NTM: variants seen among roughly 807,000 people sequenced by gnomAD.
NTM encodes IgLON family member 2.
In NTM, 13 loss-of-function variants were observed where a neutral mutation model predicts 42.1. The observed-to-expected ratio is 0.31, with a 90% confidence interval of 0.20 to 0.49. The LOEUF (loss-of-function observed/expected upper bound fraction) is 0.49, where lower values mean the gene tolerates loss of function less well. Among genes scored for constraint, NTM ranks in the 20% least tolerant of loss-of-function variants. The pLI is 0.99. For synonymous variants in NTM, 187 were observed against 179.2 expected, an observed-to-expected ratio of 1.04 and a Z score of -0.35; for missense variants, 373 against 452.8, an observed-to-expected ratio of 0.82 and a Z score of 1.60.
chr11:131,563,974 C>G (rs1357749003), intron 1 of NTM, among the ~76,000 whole-genome samples: 1 of 152,168 alleles, frequency 6.6e-6, no homozygotes, highest in Non-Finnish European at 1.5e-5. Flanking sequence ...ACTCTGCTCC[C>G]CAGACCTTGT....
intron 1 of NTM, among the ~76,000 whole-genome samples, chr11:131,880,122 A>G (rs1440928404): frequency 6.6e-6 from 1 of 152,226 alleles, no homozygotes. Flanking sequence ...GCACACAGCC[A>G]TCTTGGCAAA....
At chr11:131,409,529 T>C (rs1035522617) in intron 1 of NTM, among the ~76,000 whole-genome samples, 3 of 152,198 alleles carry the variant, frequency 2.0e-5, no homozygotes, top group Admixed American at 6.5e-5. Context: ...AAACAAAACC[T>C]GGCCCTTTCA....
chr11:132,118,987 C>T (rs2064309105), intron 2 of NTM, among the ~76,000 whole-genome samples: 1 of 151,982 alleles, frequency 6.6e-6, no homozygotes, highest in Non-Finnish European at 1.5e-5. Context: ...AAGCGCCTCT[C>T]CCCCCAGCCT....
intron 1 of NTM, among the ~76,000 whole-genome samples, chr11:131,410,583 T>G (rs1946297086): frequency 6.6e-6 from 1 of 150,806 alleles, no homozygotes; most frequent in Non-Finnish European, 1.5e-5. Context: ...GGGCCATGTC[T>G]GTTGGATCTC....
chr11:132,009,992 C>T (rs2071735507), intron 2 of NTM, among the ~76,000 whole-genome samples: 3 of 152,134 alleles, frequency 2.0e-5, no homozygotes, highest in Non-Finnish European at 2.9e-5. Flanking sequence ...TGACCGAATA[C>T]ACGTTATATC....
intron 1 of NTM, among the ~76,000 whole-genome samples, chr11:131,476,577 T>G (rs1278483239): frequency 6.6e-6 from 1 of 152,140 alleles, no homozygotes; most frequent in Non-Finnish European, 1.5e-5. Context: ...GCTTATAACC[T>G]GTGATGAGAG....
chr11:131,823,106 C>T (rs144479733), intron 1 of NTM, among the ~76,000 whole-genome samples: 34 of 152,182 alleles, frequency 2.2e-4, no homozygotes, highest in Middle Eastern at 3.4e-3. Context: ...AGCACGTCTA[C>T]GTTAGTGTTA....
chr11:131,852,204 C>T (rs1444584816), intron 1 of NTM, among the ~76,000 whole-genome samples: 1 of 152,138 alleles, frequency 6.6e-6, no homozygotes, highest in East Asian at 1.9e-4. Context: ...TTGAAGCCTC[C>T]AGCCTTGGGA....
intron 1 of NTM, among the ~76,000 whole-genome samples, chr11:131,584,310 G>C (rs976896471): frequency 6.6e-6 from 1 of 152,160 alleles, no homozygotes; most frequent in African/African-American, 2.4e-5. Context: ...TACTAACCCA[G>C]CCAGCATTTT....
chr11:131,411,098 C>T (rs1946350696), intron 1 of NTM, among the ~76,000 whole-genome samples: 1 of 152,204 alleles, frequency 6.6e-6, no homozygotes, highest in Non-Finnish European at 1.5e-5. Context: ...GGGTTCCCAC[C>T]TGGCAAATCC....
intron 1 of NTM, among the ~76,000 whole-genome samples, chr11:131,517,103 T>A (rs548741338): frequency 6.6e-6 from 1 of 152,334 alleles, no homozygotes; most frequent in African/African-American, 2.4e-5. Flanking sequence ...TTGAATCTTT[T>A]TGGTGTGATC....
At chr11:132,084,577 A>G (rs2059472843) in intron 2 of NTM, among the ~76,000 whole-genome samples, 1 of 152,324 alleles carries the variant, frequency 6.6e-6, no homozygotes, top group South Asian at 2.1e-4. Context: ...CCTGTTAAAT[A>G]TGGTAGAGGT....
chr11:131,655,729 A>T (rs1213254551), intron 1 of NTM, among the ~76,000 whole-genome samples: 6 of 152,372 alleles, frequency 3.9e-5, no homozygotes, highest in African/African-American at 1.4e-4. Context: ...CTGACTGTGG[A>T]AATTAATAAA....
At chr11:132,250,546 C>T (rs2139370236) in intron 4 of NTM, among the ~76,000 whole-genome samples, 1 of 151,602 alleles carries the variant, frequency 6.6e-6, no homozygotes, top group East Asian at 1.9e-4. Context: ...TGTCAATGCC[C>T]TTATGCATTG....
chr11:131,616,090 A>C (rs905617702), intron 1 of NTM, among the ~76,000 whole-genome samples: 1 of 152,246 alleles, frequency 6.6e-6, no homozygotes, highest in Non-Finnish European at 1.5e-5. Flanking sequence ...TTCTCAGCTG[A>C]TGCCTCTGTT....
chr11:132,004,184 CA>C, intron 2 of NTM, among the ~76,000 whole-genome samples: 1 of 152,188 alleles, frequency 6.6e-6, no homozygotes. Flanking sequence ...AAGATGGTGG[CA>C]AAAGGTAACT....
chr11:131,993,298 G>C (rs936303868), intron 2 of NTM, among the ~76,000 whole-genome samples: 7 of 152,134 alleles, frequency 4.6e-5, no homozygotes, highest in Non-Finnish European at 8.8e-5. Flanking sequence ...CAAACAGAGA[G>C]GAGGGCTATC....
intron 3 of NTM, among the ~76,000 whole-genome samples, chr11:132,206,294 C>T (rs962364435): frequency 2.6e-5 from 4 of 152,200 alleles, no homozygotes; most frequent in African/African-American, 9.6e-5. Flanking sequence ...AGGCACTAGG[C>T]ATTCACGCCC....
intron 2 of NTM, among the ~76,000 whole-genome samples, chr11:132,118,721 C>G (rs2064257878): frequency 6.6e-6 from 1 of 152,198 alleles, no homozygotes; most frequent in Admixed American, 6.5e-5. Flanking sequence ...CACCCCCAAA[C>G]TCTCTGGATG....
Sources: gnomAD v4.1 joint callset for allele counts (sites outside exome capture counted in the v4.1 genomes callset) on GRCh38, gnomAD v4.1.1 for gene constraint, MANE v1.5 for transcripts, NCBI Gene and HGNC (gene_info 2026-07-23, HGNC 2026-07-21) for gene names.